The following MXRA8 variants were observed in gnomAD, a reference collection of about 807,000 sequenced individuals.
The protein encoded by MXRA8 is matrix remodeling associated 8, also known as matrix remodeling-associated protein 8.
MXRA8 carries 44 observed loss-of-function variants against 51.4 expected under a neutral mutation model. That is an observed-to-expected ratio of 0.86 (90% CI 0.67 to 1.10). The LOEUF is 1.10. Ranked by LOEUF, MXRA8 falls within the 50% of genes least tolerant of loss-of-function variation. The pLI, the probability that MXRA8 is intolerant of heterozygous loss-of-function variation, is 0.00. For synonymous variants in MXRA8, 369 were observed against 293.5 expected (o/e 1.26, Z -2.63); for missense variants, 765 against 638.9 (o/e 1.20, Z -2.13).
At chr1:1,358,648 G>A (rs904161207), upstream of MXRA8, 8 of 1,412,486 alleles carry the variant, frequency 5.7e-6, no homozygotes, top group Middle Eastern at 2.5e-4. Flanking sequence ...CGCCCCCTCT[G>A]GCTCCTGCCG....
chr1:1,362,529 C>G (rs558249234), upstream of MXRA8, among the ~76,000 whole-genome samples: 10 of 152,124 alleles, frequency 6.6e-5, no homozygotes, highest in South Asian at 2.1e-3. Context: ...CCTGTAATCC[C>G]AGCACTTTGG....
chr1:1,357,922 C>T (rs995658807), intron 1 of MXRA8, among the ~76,000 whole-genome samples: 4 of 152,200 alleles, frequency 2.6e-5, no homozygotes, highest in Non-Finnish European at 4.4e-5. Flanking sequence ...AGTCTGTGCA[C>T]CCCAGGGCCC....
chr1:1,361,098 CAT>C (rs1644216913), upstream of MXRA8: 2 of 686,400 alleles, frequency 2.9e-6, no homozygotes, highest in East Asian at 2.7e-5. Context: ...ACACGACACA[CAT>C]GGAGACACGC....
chr1:1,355,780 A>AGGGGAGTCGGTGGGGG lies in MXRA8; in HGVS notation c.74-29_74-28insCCCCCACCGACTCCCC, dbSNP rs1359098318. On this transcript the variant is annotated intron_variant, in intron 2 of 9. Coordinates refer to ENST00000309212, the MANE Select transcript of MXRA8 (RefSeq NM_032348.4). ...GGTGGGGGAGGGGAGTCGGTGGGGG[A>AGGGGAGTCGGTGGGGG]AGGGGTGGGCCCCCTAGGGCCCTGG... is the stretch of plus-strand genomic sequence containing the variant. 5.7e-3 allele frequency: 104 copies of AGGGGAGTCGGTGGGGG among 18,340 alleles called. No individual in the cohort carries two copies. In the African/African-American group the frequency reaches 0.083, roughly 15 times the overall value. The allele number at this position is 18,340 out of a possible 1,614,324, so 1.1% of individuals were successfully genotyped here. A position where few individuals can be genotyped will look rare whatever the true frequency, so the allele number is the denominator to read the frequency against.
Position 1,355,087 on chromosome 1 carries a change from C to T in MXRA8, c.544G>A (p.Ala182Thr), listed in dbSNP as rs1481718857. Reference protein sequence around the residue: ...EVLAVARGAPALLTCVNRGHV... With the variant: ...EVLAVARGAPTLLTCVNRGHV... ...CCGCGGTTCACGCAGGTCAGAAGCG[C>T]GGGTGCGCCGCGCGCCACCGCCAGC... is the stretch of plus-strand genomic sequence containing the variant. Residue 182 changes from alanine to threonine, a missense_variant, in exon 5 of 10, where the codon GCG (alanine) becomes ACG (threonine). Physicochemically the swap from Ala to Thr is moderately conservative, Grantham distance 58. Coordinates refer to ENST00000309212, the MANE Select transcript of MXRA8 (RefSeq NM_032348.4). 6.4e-7 allele frequency: 1 copy of T among 1,554,446 alleles called. No homozygotes were observed. The highest frequency in any genetic ancestry group is 1.4e-5 in the African/African-American group (1 of 69,862).
intron 1 of MXRA8, among the ~76,000 whole-genome samples, chr1:1,357,863 G>C (rs1243353459): frequency 6.6e-6 from 1 of 152,146 alleles, no homozygotes; most frequent in East Asian, 1.9e-4. Context: ...CCCAATAAAG[G>C]GTTGGCCTGG....
chr1:1,356,396 G>A (rs1644132970), intron 2 of MXRA8, among the ~76,000 whole-genome samples: 2 of 134,604 alleles, frequency 1.5e-5, no homozygotes, highest in Non-Finnish European at 3.3e-5. Flanking sequence ...TTGGGGAAGG[G>A]GAGTCAGTGG....
chr1:1,353,845 C>A lies in MXRA8; in HGVS notation c.1303+3G>T. 6.3e-7 allele frequency: 1 copy of A among 1,579,156 alleles called. No homozygotes were observed. The highest frequency in any genetic ancestry group is 1.2e-5 in the South Asian group (1 of 86,062). On this transcript the variant is annotated splice_donor_region_variant and intron_variant, in intron 9 of 9. Transcript: ENST00000309212. The stretch of plus-strand genomic sequence containing the variant: ...ATGGGCTGAGGTCGCCCCCGCCGCT[C>A]ACCTTTGTCTAGGTCGATGTACTTG...
upstream of MXRA8, chr1:1,358,776 C>A (rs976844667): frequency 8.1e-7 from 1 of 1,227,932 alleles, no homozygotes; most frequent in South Asian, 2.5e-5. Flanking sequence ...CTTGGAGGGA[C>A]AAGAAGGTCC....
chr1:1,355,441 T>TC lies in MXRA8; in HGVS notation c.376+8dup. ...CCGACCCCGCGGCCCCGGTCCCCGG[T>TC]CCCCGCACCGCGGATGAGCAGCGAG... On this transcript the variant is annotated intron_variant, in intron 3 of 9. Coordinates refer to ENST00000309212, the MANE Select transcript of MXRA8 (RefSeq NM_032348.4). The TC allele has an allele frequency of 6.7e-7, 1 of 1,490,864 alleles. No individual in the cohort carries two copies. The highest frequency in any genetic ancestry group is 1.5e-5 in the African/African-American group (1 of 68,956). The allele number at this position is 1,490,864 out of a possible 1,614,324, so 92.4% of individuals were successfully genotyped here. A position where few individuals can be genotyped will look rare whatever the true frequency, so the allele number is the denominator to read the frequency against.
upstream of MXRA8, chr1:1,359,419 C>T (rs1472294594): frequency 5.1e-5 from 50 of 985,328 alleles, no homozygotes; most frequent in Non-Finnish European, 5.7e-5. Flanking sequence ...GTGTAGCAAA[C>T]CCAACTCCTT....
chr1:1,353,343 G>C lies in MXRA8; in HGVS notation c.*261C>G. The C allele has an allele frequency of 6.5e-7, 1 of 1,548,884 alleles. No individual in the cohort carries two copies. Among genetic ancestry groups the C allele is most frequent in the Non-Finnish European group, 8.7e-7 (1 of 1,146,234 alleles). On this transcript the variant is annotated 3_prime_UTR_variant, in exon 10 of 10. Transcript: ENST00000309212. ...AGAGCCCAGAAGGGTCTGAGGGCATGATGGGCATCAGTGGGATTTTGGTTG... is the reference window on the plus strand; with the variant it reads ...AGAGCCCAGAAGGGTCTGAGGGCATCATGGGCATCAGTGGGATTTTGGTTG...
upstream of MXRA8, among the ~76,000 whole-genome samples, chr1:1,362,691 G>T (rs1452508178): frequency 6.7e-6 from 1 of 149,586 alleles, no homozygotes; most frequent in Non-Finnish European, 1.5e-5. Flanking sequence ...TGAGGCAAGA[G>T]AATTACTTGA....
At chr1:1,358,928 G>T (rs538612485), upstream of MXRA8, 69 of 1,000,038 alleles carry the variant, frequency 6.9e-5, 1 homozygote, top group East Asian at 3.8e-3. Flanking sequence ...CCTCAGGGCA[G>T]GGTCCTCCCC....
In MXRA8 at chr1:1,353,872, C is replaced by T. The variant is rs1204914280; in HGVS notation, c.1279G>A (p.Ala427Thr). ...CCTTTGTCTAGGTCGATGTACTTGG[C>T]AGGCAGGGGGCTGTGGGCCAGCTCC... ...RAELAHSPLP[A>T]KYIDLDKGFR... Residue 427 changes from alanine to threonine, a missense_variant, in exon 9 of 10, where the codon GCC (alanine) becomes ACC (threonine). Transcript: ENST00000309212. The T allele has an allele frequency of 6.9e-6, 11 of 1,604,418 alleles. No individual in the cohort carries two copies. Among genetic ancestry groups the T allele is most frequent in the African/African-American group, 1.3e-5 (1 of 74,916 alleles).
Position 1,354,208 on chromosome 1 carries a change from G to C in MXRA8, c.1130C>G (p.Ser377Trp), listed in dbSNP as rs760640173. Reference sequence around the variant, plus strand: ...GGGCACTCACCCCTTTGACTTTCCCGACTTCTGGTCCGAGTATTCGTAGCC... The same window carrying C: ...GGGCACTCACCCCTTTGACTTTCCCCACTTCTGGTCCGAGTATTCGTAGCC... ...RGGYEYSDQK[S>W]GKSKGKDVNL... The change falls in exon 7 of 10, where the codon TCG (serine) becomes TGG (tryptophan). Residue 377 changes from serine (S) to tryptophan (W), a missense_variant. Physicochemically the swap from Ser to Trp is radical, Grantham distance 177. Transcript: ENST00000309212. The C allele has an allele frequency of 7.4e-6, 12 of 1,612,628 alleles. No individual in the cohort carries two copies. The highest frequency in any genetic ancestry group is 9.3e-6 in the Non-Finnish European group (11 of 1,179,954).
rs1301036933 is a variant in MXRA8 at position 1,353,851 on chromosome 1, T to C, written c.1300A>G (p.Lys434Glu). 1 of 1,593,040 alleles carries C rather than the reference T, an allele frequency of 6.3e-7. No homozygotes were observed. Among genetic ancestry groups the C allele is most frequent in the Non-Finnish European group, 8.5e-7 (1 of 1,169,598 alleles). Reference sequence around the variant, plus strand: ...TGAGGTCGCCCCCGCCGCTCACCTTTGTCTAGGTCGATGTACTTGGCAGGC... The same window carrying C: ...TGAGGTCGCCCCCGCCGCTCACCTTCGTCTAGGTCGATGTACTTGGCAGGC... Reference protein sequence around the residue: ...PLPAKYIDLDKGFRKENCK With the variant: ...PLPAKYIDLDEGFRKENCK The change falls in exon 9 of 10, where the codon AAA (lysine) becomes GAA (glutamate). Residue 434 changes from lysine (K) to glutamate (E), a missense_variant. By Grantham distance (56) the Lys-to-Glu change is moderately conservative. Transcript: ENST00000309212.
At chr1:1,358,123 G>A (rs537999635) in intron 1 of MXRA8, among the ~76,000 whole-genome samples, 64 of 152,298 alleles carry the variant, frequency 4.2e-4, no homozygotes, top group African/African-American at 1.4e-3. Flanking sequence ...CAGTTCTCAG[G>A]TCCCCTTCAA....
At chr1:1,361,982 A>T (rs1644227584), upstream of MXRA8, among the ~76,000 whole-genome samples, 1 of 152,256 alleles carries the variant, frequency 6.6e-6, no homozygotes, top group African/African-American at 2.4e-5. Context: ...CTAAATTTAC[A>T]AGTAAACTTG....
Sources: allele counts gnomAD v4.1 joint callset (sites outside exome capture counted in the v4.1 genomes callset), GRCh38; gene constraint gnomAD v4.1.1; transcripts MANE v1.5; gene names NCBI Gene and HGNC (gene_info 2026-07-23, HGNC 2026-07-21).